RUVBL1: variants seen among roughly 807,000 people sequenced by gnomAD.
The protein encoded by RUVBL1 is RuvB like AAA ATPase 1.
In RUVBL1, 4 loss-of-function variants were observed where a neutral mutation model predicts 52.4. The observed-to-expected ratio is 0.08, with a 90% CI of 0.04 to 0.17. The LOEUF (loss-of-function observed/expected upper bound fraction) is 0.17, where lower values mean the gene tolerates loss of function less well. Among genes scored for constraint, RUVBL1 ranks in the 10% least tolerant of loss-of-function variants. RUVBL1 has a pLI of 1.00. For synonymous variants in RUVBL1, 217 were observed against 214.4 expected (o/e 1.01, Z -0.10); for missense variants, 298 against 572.8 (o/e 0.52, Z 4.90).
Position 128,082,169 on chromosome 3 carries a change from A to C in RUVBL1, c.1211+314T>G. The C allele has an allele frequency of 4.0e-6, 1 of 250,634 alleles. No homozygotes were observed. Among genetic ancestry groups the C allele is most frequent in the Non-Finnish European group, 7.7e-6 (1 of 129,554 alleles). 15.5% of individuals were successfully genotyped at this position (250,634 alleles called of 1,614,324 possible). A position where few individuals can be genotyped will look rare whatever the true frequency, so the allele number is the denominator to read the frequency against. ...GAGCCAGGGCCCTGGCTAATGAGCT[A>C]CCACATGGTCCCTGCTCTCTAGTTC... On this transcript the variant is annotated intron_variant, in intron 10 of 10. Transcript: ENST00000322623. This position sits in a 1 kb window ranked among gnomAD's most constrained non-coding sequence, Gnocchi z 4.7.
Position 128,101,566 on chromosome 3 carries a change from G to T in RUVBL1, c.596C>A (p.Ala199Asp). 6.2e-7 allele frequency: 1 copy of T among 1,613,726 alleles called. No homozygotes were observed. The highest frequency in any genetic ancestry group is 1.1e-5 in the South Asian group (1 of 91,068). ...TCCCAAGGAAGGCATTACCTTCACG[G>T]CCCCACTGTTGGCTTCAATGTAAAT... Reference protein sequence around the residue: ...DVIYIEANSGAVKRQGRCDTY... With the variant: ...DVIYIEANSGDVKRQGRCDTY... Residue 199 changes from alanine to aspartate, a missense_variant, in exon 5 of 11, where the codon GCC (alanine) becomes GAC (aspartate). By Grantham distance (126) the Ala-to-Asp change is moderately radical. Coordinates refer to ENST00000322623, the MANE Select transcript of RUVBL1 (RefSeq NM_003707.3).
intron 1 of RUVBL1, among the ~76,000 whole-genome samples, chr3:128,149,287 C>G (rs574082749): frequency 1.3e-5 from 2 of 151,600 alleles, no homozygotes; most frequent in Admixed American, 6.6e-5. Flanking sequence ...CGGGTTCAAG[C>G]AATTCTCGTG....
At chr3:128,114,525 C>T (rs1326439974) in intron 2 of RUVBL1, among the ~76,000 whole-genome samples, 2 of 152,202 alleles carry the variant, frequency 1.3e-5, no homozygotes, top group African/African-American at 4.8e-5. Flanking sequence ...AAGTGCCATG[C>T]TAGATCACAA....
intron 1 of RUVBL1, among the ~76,000 whole-genome samples, chr3:128,145,457 C>A (rs1944089744): frequency 6.6e-6 from 1 of 152,214 alleles, no homozygotes; most frequent in South Asian, 2.1e-4. Flanking sequence ...CATGACTGTG[C>A]AGAACATGAC....
At chr3:128,126,983 A>G (rs1210228328), upstream of RUVBL1, among the ~76,000 whole-genome samples, 6 of 152,208 alleles carry the variant, frequency 3.9e-5, no homozygotes, top group African/African-American at 7.2e-5. Context: ...CCATCCTCTC[A>G]GACACTGTAA....
downstream of RUVBL1, among the ~76,000 whole-genome samples, chr3:128,076,928 GCGGCGCTGA>G (rs1329510877): frequency 3.9e-5 from 6 of 152,130 alleles, no homozygotes; most frequent in African/African-American, 1.2e-4. This position sits in a 1 kb window ranked among gnomAD's most constrained non-coding sequence, Gnocchi z 6.8. Context: ...CATTAATCAC[GCGGCGCTGA>G]CGGCGCTGAT....
chr3:128,092,594 T>A (rs1942869834), intron 8 of RUVBL1, among the ~76,000 whole-genome samples: 1 of 152,026 alleles, frequency 6.6e-6, no homozygotes. Flanking sequence ...AATAAGCACA[T>A]GAAAAGACGC....
At chr3:128,073,207 T>G (rs1041126545) in intron 9 of RUVBL1, among the ~76,000 whole-genome samples, 2 of 152,146 alleles carry the variant, frequency 1.3e-5, no homozygotes, top group Non-Finnish European at 2.9e-5. Context: ...ATGAGGAGTC[T>G]AGGGAAACAG....
At chr3:128,103,595 A>G (rs1943156828) in intron 4 of RUVBL1, among the ~76,000 whole-genome samples, 1 of 152,238 alleles carries the variant, frequency 6.6e-6, no homozygotes, top group African/African-American at 2.4e-5. Flanking sequence ...TATAGATGAG[A>G]AAACTGAGTC....
At chr3:128,134,031 CA>C (rs958592903) in intron 1 of RUVBL1, among the ~76,000 whole-genome samples, 2 of 151,988 alleles carry the variant, frequency 1.3e-5, no homozygotes, top group Non-Finnish European at 2.9e-5. Flanking sequence ...AGAATCCTAT[CA>C]GATAAATTTA....
chr3:128,107,397 G>C (rs1943269741), intron 3 of RUVBL1, among the ~76,000 whole-genome samples: 2 of 152,194 alleles, frequency 1.3e-5, no homozygotes, highest in South Asian at 4.1e-4. Flanking sequence ...CTGATGGCAG[G>C]GTGGCTTGAT....
intron 1 of RUVBL1, among the ~76,000 whole-genome samples, chr3:128,131,610 C>T (rs756497881): frequency 6.6e-6 from 1 of 152,154 alleles, no homozygotes; most frequent in African/African-American, 2.4e-5. Context: ...CCCAATTTAG[C>T]AGTGTGTTAA....
chr3:128,094,192 G>A (rs977088084), intron 8 of RUVBL1, among the ~76,000 whole-genome samples: 10 of 152,210 alleles, frequency 6.6e-5, no homozygotes, highest in African/African-American at 2.4e-4. Context: ...CCTGGGTCAT[G>A]AGCTTCCACG....
At chr3:128,146,144 G>A (rs930992582) in intron 1 of RUVBL1, among the ~76,000 whole-genome samples, 1 of 152,160 alleles carries the variant, frequency 6.6e-6, no homozygotes, top group Non-Finnish European at 1.5e-5. Flanking sequence ...GAGGTGAGGG[G>A]TGAGCCATTT....
In RUVBL1 at chr3:128,117,091, C is replaced by T. The variant is rs542778816; in HGVS notation, c.228+2237G>A. Among the ~76,000 whole-genome samples the T allele has an allele frequency of 2.0e-5, 3 of 152,178 alleles. No homozygotes were observed. In the East Asian group the frequency reaches 5.8e-4, roughly 29 times the overall value. ...ATAGGGTATAGAGGGGCTCATCACA[C>T]TATTCTTTCAAGTTTTTTGTAGGTT... is the stretch of plus-strand genomic sequence containing the variant. On this transcript the variant is annotated intron_variant, in intron 2 of 10. Transcript: ENST00000322623.
At chr3:128,138,606 G>T (rs917367325) in intron 1 of RUVBL1, among the ~76,000 whole-genome samples, 1 of 152,002 alleles carries the variant, frequency 6.6e-6, no homozygotes, top group African/African-American at 2.4e-5. Flanking sequence ...AATCAATATT[G>T]TTAAAATGTT....
At chr3:128,105,063 G>C (rs1019149054) in intron 3 of RUVBL1, 139 bp from the exon 4 acceptor site, 15 of 823,492 alleles carry the variant, frequency 1.8e-5, no homozygotes, top group Non-Finnish European at 2.5e-5. Context: ...GGGTAAAAAG[G>C]CAATACAAAC....
At position 128,082,965 on chromosome 3, in the gene RUVBL1, C is replaced by T; in HGVS notation, c.1120-391G>A. 1.2e-5 allele frequency: 2 copies of T among 166,570 alleles called. No homozygotes were observed. Among genetic ancestry groups the T allele is most frequent in the South Asian group, 3.0e-4 (2 of 6,596 alleles). The allele number at this position is 166,570 out of a possible 1,614,324, so 10.3% of individuals were successfully genotyped here. ...CTGCAAGGGCTCTAACCTTCCTCTC[C>T]AGCATGGGCACTACTGCCTACAAGC... On this transcript the variant is annotated intron_variant, in intron 9 of 10. Coordinates refer to ENST00000322623, the MANE Select transcript of RUVBL1 (RefSeq NM_003707.3). The surrounding 1 kb of genome is among the most constrained non-coding windows in gnomAD (Gnocchi z 4.7).
chr3:128,124,802 T>C (rs1468821997), upstream of RUVBL1, among the ~76,000 whole-genome samples: 1 of 152,132 alleles, frequency 6.6e-6, no homozygotes, highest in Non-Finnish European at 1.5e-5. Flanking sequence ...GAAGGCATCA[T>C]GAAGGTGATG....
Sources: allele counts gnomAD v4.1 joint callset (sites outside exome capture counted in the v4.1 genomes callset), GRCh38; gene constraint gnomAD v4.1.1; non-coding constraint Gnocchi (gnomAD v3.1); transcripts MANE v1.5; gene names NCBI Gene and HGNC (gene_info 2026-07-23, HGNC 2026-07-21).